The following KATNAL1 variants were observed in gnomAD, a reference collection of about 807,000 sequenced individuals.
KATNAL1 encodes katanin p60 ATPase-containing subunit A-like 1.
Under a neutral mutation model 55.2 loss-of-function variants are expected in KATNAL1, and 32 were observed. The observed-to-expected ratio is 0.58, with a 90% CI of 0.44 to 0.78. The LOEUF (loss-of-function observed/expected upper bound fraction) is 0.78, where lower values mean the gene tolerates loss of function less well. Among genes scored for constraint, KATNAL1 ranks in the 30% least tolerant of loss-of-function variants. The pLI, the probability that KATNAL1 is intolerant of heterozygous loss-of-function variation, is 0.00. For missense variants in KATNAL1, 466 were observed against 600.9 expected, an observed-to-expected ratio of 0.78 and a Z score of 2.35; for synonymous variants, 193 against 193.6, an observed-to-expected ratio of 1.00 and a Z score of 0.02.
rs187473940 is a variant in KATNAL1 at position 30,227,929 on chromosome 13, T to A, written c.1013-383A>T. ...TAAATCATAAAGTTCCGCAAAAATT[T>A]TATTTTAGTTTTTAATCTATTTTCT... On this transcript the variant is annotated intron_variant, in intron 8 of 10. Coordinates refer to ENST00000380615, the MANE Select transcript of KATNAL1 (RefSeq NM_032116.5). Among the ~76,000 whole-genome samples, 1,466 of 152,260 alleles carry A rather than the reference T, an allele frequency of 9.6e-3. 26 individuals carry two copies. Among genetic ancestry groups the A allele is most frequent in the African/African-American group, 0.033 (1,374 of 41,562 alleles).
At chr13:30,234,112 ATACT>A (rs1360846339) in intron 6 of KATNAL1, among the ~76,000 whole-genome samples, 5 of 152,242 alleles carry the variant, frequency 3.3e-5, no homozygotes, top group African/African-American at 1.2e-4. Context: ...TATCCCATTT[ATACT>A]GATTGGATCT....
rs193186084 is a variant in KATNAL1 at position 30,258,760 on chromosome 13, G to A, written c.324-3145C>T. Among the ~76,000 whole-genome samples, 495 of 148,794 alleles carry A rather than the reference G, an allele frequency of 3.3e-3. 2 individuals carry two copies. The highest frequency in any genetic ancestry group is 0.011 in the African/African-American group (464 of 41,206). On this transcript the variant is annotated intron_variant, in intron 3 of 10. Coordinates refer to ENST00000380615, the MANE Select transcript of KATNAL1 (RefSeq NM_032116.5). ...GTGAGGTGGGGAAGAAGAGTATCTCGATTTTTTTTCACCCAAATGGATAAT... is the reference window on the plus strand; with the variant it reads ...GTGAGGTGGGGAAGAAGAGTATCTCAATTTTTTTTCACCCAAATGGATAAT...
At chr13:30,281,879 C>T (rs914630234) in intron 2 of KATNAL1, 1 of 152,062 alleles carries the variant, frequency 6.6e-6, no homozygotes, top group African/African-American at 2.4e-5. Flanking sequence ...TTTTACTTAA[C>T]GTTTTCTAAA....
chr13:30,278,500 T>C (rs1566124685), intron 3 of KATNAL1, among the ~76,000 whole-genome samples: 1 of 152,224 alleles, frequency 6.6e-6, no homozygotes, highest in African/African-American at 2.4e-5. Context: ...ACTGTAGTGA[T>C]ATGTTTTGAG....
chr13:30,301,849 T>C (rs1034902068), intron 1 of KATNAL1, among the ~76,000 whole-genome samples: 1 of 152,236 alleles, frequency 6.6e-6, no homozygotes, highest in Non-Finnish European at 1.5e-5. Flanking sequence ...TTCATATTAC[T>C]GTATTTTATG....
intron 4 of KATNAL1, among the ~76,000 whole-genome samples, chr13:30,252,633 A>G (rs1878426288): frequency 6.6e-6 from 1 of 152,198 alleles, no homozygotes; most frequent in Non-Finnish European, 1.5e-5. Flanking sequence ...ACTCTGCTTC[A>G]ATTTTAAAGC....
At chr13:30,306,486 C>G (rs936932158) in intron 1 of KATNAL1, among the ~76,000 whole-genome samples, 3 of 152,120 alleles carry the variant, frequency 2.0e-5, no homozygotes, top group African/African-American at 7.2e-5. Flanking sequence ...CATTTCACAA[C>G]CTTGAACCTC....
Position 30,283,702 on chromosome 13 carries a change from T to C in KATNAL1, c.76A>G (p.Met26Val), listed in dbSNP as rs779831440. The C allele has an allele frequency of 3.2e-5, 51 of 1,613,948 alleles. 1 individual carries two copies. The Admixed American group carries it at 8.3e-4, about 26-fold the overall frequency. The change falls in exon 2 of 11, where the codon ATG (methionine) becomes GTG (valine). Residue 26 changes from methionine to valine, a missense_variant. By Grantham distance (21) the Met-to-Val change is conservative (BLOSUM62 1). This residue lies in a region of KATNAL1 where 248 missense variants were observed against 275.5 expected (regional missense o/e 0.90). Transcript: ENST00000380615. ...TGCATCACCCCCTGGTAATATACCA[T>C]TGATGAGTCGTAATTTCCAAGAAGG... ...YALLGNYDSSMVYYQGVMQQI... is the reference protein window; with the variant it reads ...YALLGNYDSSVVYYQGVMQQI...
In KATNAL1 at chr13:30,230,572, G is replaced by A. The variant is rs1402718659; in HGVS notation, c.908C>T (p.Thr303Met). ...AGAATCTATCTCATCAATGAAGATC[G>A]TGGTAGGGGCATAAAATCTAGCCTT... ...FEMARFYAPT[T>M]IFIDEIDSIC... The change falls in exon 8 of 11, where the codon ACG becomes ATG. Residue 303 changes from threonine to methionine, a missense_variant. This residue lies in a region of KATNAL1 where 213 missense variants were observed against 308.6 expected (regional missense o/e 0.69). Transcript: ENST00000380615. 6 of 1,606,724 alleles carry A rather than the reference G, an allele frequency of 3.7e-6. No individual in the cohort carries two copies. The highest frequency in any genetic ancestry group is 2.2e-5 in the East Asian group (1 of 44,796).
chr13:30,224,264 C>T (rs1415141988), intron 9 of KATNAL1, among the ~76,000 whole-genome samples: 1 of 151,950 alleles, frequency 6.6e-6, no homozygotes, highest in Non-Finnish European at 1.5e-5. Flanking sequence ...AAAAAAAGGC[C>T]AGGTGCAGTA....
At chr13:30,268,118 C>T (rs1879923808) in intron 3 of KATNAL1, among the ~76,000 whole-genome samples, 2 of 152,164 alleles carry the variant, frequency 1.3e-5, no homozygotes, top group South Asian at 2.1e-4. Flanking sequence ...CTCAATTTTA[C>T]ACTACCTTAA....
Position 30,264,546 on chromosome 13 carries a change from T to A in KATNAL1, c.324-8931A>T, listed in dbSNP as rs1486582754. Among the ~76,000 whole-genome samples the A allele has an allele frequency of 6.0e-5, 9 of 150,940 alleles. 1 individual carries two copies. The highest frequency in any genetic ancestry group is 1.0e-4 in the Non-Finnish European group (7 of 67,844). On this transcript the variant is annotated intron_variant, in intron 3 of 10. Transcript: ENST00000380615. ...TACAAGAAAAAAACAAACAACCCCA[T>A]CAAAAAGTGGGTTAAGGACATGAAC...
At chr13:30,279,522 C>A (rs74915188) in intron 3 of KATNAL1, among the ~76,000 whole-genome samples, 3,479 of 152,020 alleles carry the variant, frequency 0.023, 67 homozygotes, top group Non-Finnish European at 0.035. Flanking sequence ...CAAAAAAAGG[C>A]AAAAAGAGAG....
chr13:30,305,056 G>C (rs1216142763), intron 1 of KATNAL1, among the ~76,000 whole-genome samples: 2 of 151,898 alleles, frequency 1.3e-5, no homozygotes, highest in Non-Finnish European at 2.9e-5. Context: ...TATACAACTG[G>C]CTTTTCTACT....
intron 3 of KATNAL1, 43 bp downstream of exon 3, chr13:30,280,020 A>G: frequency 6.5e-7 from 1 of 1,532,784 alleles, no homozygotes. Context: ...TGTGAACATC[A>G]ATTAACTAGA....
chr13:30,220,611 T>C (rs1874753312), intron 9 of KATNAL1, among the ~76,000 whole-genome samples: 1 of 152,250 alleles, frequency 6.6e-6, no homozygotes, highest in East Asian at 1.9e-4. Context: ...TATTCCAGCA[T>C]GGCTTATAGG....
chr13:30,259,318 C>T (rs1012160527), intron 3 of KATNAL1, among the ~76,000 whole-genome samples: 1 of 151,648 alleles, frequency 6.6e-6, no homozygotes, highest in Non-Finnish European at 1.5e-5. Context: ...CCAGCCTGGG[C>T]CACACAGCAA....
intron 1 of KATNAL1, among the ~76,000 whole-genome samples, chr13:30,285,373 A>G (rs1881708294): frequency 6.6e-6 from 1 of 152,124 alleles, no homozygotes; most frequent in Non-Finnish European, 1.5e-5. Flanking sequence ...TCAAGGGGAC[A>G]GTTTCCTCCA....
intron 1 of KATNAL1, among the ~76,000 whole-genome samples, chr13:30,286,879 G>T (rs895768642): frequency 6.6e-6 from 1 of 152,238 alleles, no homozygotes. Flanking sequence ...GATGTCAGAC[G>T]TGGAGTCAAA....
Sources: gnomAD v4.1 joint callset for allele counts (sites outside exome capture counted in the v4.1 genomes callset) on GRCh38, gnomAD v4.1.1 for gene constraint, gnomAD v4.1.1 regional missense constraint, MANE v1.5 for transcripts, NCBI Gene and HGNC (gene_info 2026-07-23, HGNC 2026-07-21) for gene names.